The following CTNNA3 variants were observed in gnomAD, a reference collection of about 807,000 sequenced individuals.
CTNNA3 encodes catenin alpha 3.
CTNNA3 carries 76 observed loss-of-function variants against 95.7 expected under a neutral mutation model. That is an observed-to-expected ratio of 0.79 (90% CI 0.66 to 0.96). The LOEUF (loss-of-function observed/expected upper bound fraction) is 0.96, where lower values mean the gene tolerates loss of function less well. Among genes scored for constraint, CTNNA3 ranks in the 40% least tolerant of loss-of-function variants. CTNNA3 has a pLI of 0.00. For synonymous variants in CTNNA3, 431 were observed against 374.4 expected, an observed-to-expected ratio of 1.15 and a Z score of -1.74; for missense variants, 1,191 against 1,089.8, an observed-to-expected ratio of 1.09 and a Z score of -1.31.
chr10:66,199,805 A>ATATATATATTT (rs1564756586), intron 13 of CTNNA3, among the ~76,000 whole-genome samples: 3 of 14,292 alleles, frequency 2.1e-4, no homozygotes, highest in African/African-American at 1.2e-3. Context: ...ATATATATAT[A>ATATATATATTT]TTTTTTTTTT....
chr10:66,118,290 C>T (rs1397285990), intron 13 of CTNNA3: 3 of 151,962 alleles, frequency 2.0e-5, no homozygotes, highest in African/African-American at 7.3e-5. Context: ...TTGGATTTAT[C>T]CAGTAGTCTT....
rs142962290 is a variant in CTNNA3 at position 67,010,566 on chromosome 10, C to T, written c.1047+169751G>A. On this transcript the variant is annotated intron_variant, in intron 7 of 17. Coordinates refer to ENST00000433211, the MANE Select transcript of CTNNA3 (RefSeq NM_013266.4). ...AGAAGAAGAGTGGGGGGAGCACTAG[C>T]TACAATCATCCTCTTTTAATAAGAA... Among the ~76,000 whole-genome samples the T allele has an allele frequency of 2.2e-3, 328 of 152,266 alleles. 1 individual carries two copies. Among genetic ancestry groups the T allele is most frequent in the African/African-American group, 7.4e-3 (307 of 41,570 alleles).
At chr10:66,865,721 T>G (rs1844148690) in intron 7 of CTNNA3, among the ~76,000 whole-genome samples, 1 of 152,098 alleles carries the variant, frequency 6.6e-6, no homozygotes, top group Non-Finnish European at 1.5e-5. Context: ...TAGTATTGAT[T>G]TTAACAATAT....
intron 1 of CTNNA3, among the ~76,000 whole-genome samples, chr10:67,665,969 T>C (rs951537386): frequency 1.3e-5 from 2 of 152,240 alleles, no homozygotes; most frequent in Admixed American, 6.5e-5. Flanking sequence ...TGTTATATGA[T>C]ACTTCCCTGA....
At chr10:67,017,143 T>G (rs1852709167) in intron 7 of CTNNA3, among the ~76,000 whole-genome samples, 1 of 152,216 alleles carries the variant, frequency 6.6e-6, no homozygotes, top group Non-Finnish European at 1.5e-5. Context: ...AAACAATATA[T>G]TCATAGTATG....
At chr10:66,444,523 C>T (rs1479583238) in intron 11 of CTNNA3, among the ~76,000 whole-genome samples, 1 of 151,846 alleles carries the variant, frequency 6.6e-6, no homozygotes, top group Non-Finnish European at 1.5e-5. Flanking sequence ...CAACATTTCA[C>T]ATTCTTAAAG....
chr10:66,973,874 G>A (rs555167055), intron 7 of CTNNA3, among the ~76,000 whole-genome samples: 14 of 152,056 alleles, frequency 9.2e-5, no homozygotes, highest in South Asian at 6.3e-4. Flanking sequence ...TATCCCCCTC[G>A]GCCTCCCAAA....
At chr10:66,439,092 C>A (rs747082583) in intron 11 of CTNNA3, among the ~76,000 whole-genome samples, 1 of 152,116 alleles carries the variant, frequency 6.6e-6, no homozygotes, top group Non-Finnish European at 1.5e-5. Flanking sequence ...CACCCACCTT[C>A]TGCATTGATC....
chr10:66,112,258 A>G (rs2082148795), intron 13 of CTNNA3, among the ~76,000 whole-genome samples: 1 of 152,212 alleles, frequency 6.6e-6, no homozygotes. Flanking sequence ...TGCCTGGCAC[A>G]CAGTCAGTAC....
At chr10:66,798,668 G>A (rs989276489) in intron 7 of CTNNA3, among the ~76,000 whole-genome samples, 2 of 151,626 alleles carry the variant, frequency 1.3e-5, no homozygotes, top group African/African-American at 4.8e-5. Flanking sequence ...GAGTTGAGGT[G>A]CATACAGGTA....
chr10:66,972,139 C>T (rs1252793071), intron 7 of CTNNA3, among the ~76,000 whole-genome samples: 2 of 152,106 alleles, frequency 1.3e-5, no homozygotes, highest in East Asian at 1.9e-4. Context: ...AGAATATCGC[C>T]TTCTCAAATT....
At chr10:66,792,916 A>T (rs1021420552) in intron 7 of CTNNA3, among the ~76,000 whole-genome samples, 1 of 152,162 alleles carries the variant, frequency 6.6e-6, no homozygotes, top group African/African-American at 2.4e-5. Context: ...GTTTTCAATT[A>T]TGGCTTTTTA....
intron 17 of CTNNA3, among the ~76,000 whole-genome samples, chr10:65,936,470 A>G (rs1366084011): frequency 6.6e-6 from 1 of 152,244 alleles, no homozygotes. Flanking sequence ...TTGGGCCAAT[A>G]AAATTATACA....
At chr10:66,789,490 A>C (rs1223371746) in intron 7 of CTNNA3, among the ~76,000 whole-genome samples, 8 of 152,144 alleles carry the variant, frequency 5.3e-5, no homozygotes, top group Admixed American at 5.2e-4. Context: ...TGTTCTTATC[A>C]AAAGAAATGA....
At chr10:66,476,357 A>G (rs1839326811) in intron 11 of CTNNA3, among the ~76,000 whole-genome samples, 3 of 152,100 alleles carry the variant, frequency 2.0e-5, no homozygotes, top group African/African-American at 7.2e-5. Context: ...CTGCACATTT[A>G]CCCTGAAACT....
intron 5 of CTNNA3, among the ~76,000 whole-genome samples, chr10:67,254,756 C>A (rs1258813136): frequency 2.0e-5 from 3 of 152,158 alleles, no homozygotes; most frequent in Non-Finnish European, 2.9e-5. Context: ...TAGTAAGTAA[C>A]ATGCTGTACA....
intron 7 of CTNNA3, among the ~76,000 whole-genome samples, chr10:66,805,103 G>A (rs1416640355): frequency 6.6e-6 from 1 of 152,062 alleles, no homozygotes. Context: ...CATTTCACAC[G>A]TGTCGTCACA....
chr10:67,286,691 A>G (rs1564536187), intron 5 of CTNNA3, among the ~76,000 whole-genome samples: 1 of 152,250 alleles, frequency 6.6e-6, no homozygotes, highest in Non-Finnish European at 1.5e-5. Flanking sequence ...TGTACTAAGT[A>G]GCAAAAGAAA....
intron 5 of CTNNA3, among the ~76,000 whole-genome samples, chr10:67,500,452 G>A (rs1437900124): frequency 1.3e-5 from 2 of 152,156 alleles, no homozygotes; most frequent in Non-Finnish European, 2.9e-5. Flanking sequence ...AGGTCTGTTT[G>A]TTCCAGAGCT....
Sources: gnomAD v4.1 joint callset for allele counts (sites outside exome capture counted in the v4.1 genomes callset) on GRCh38, gnomAD v4.1.1 for gene constraint, MANE v1.5 for transcripts, NCBI Gene and HGNC (gene_info 2026-07-23, HGNC 2026-07-21) for gene names.